The following ITGA6 variants were observed in gnomAD, a reference collection of about 807,000 sequenced individuals.
The protein encoded by ITGA6 is integrin subunit alpha 6.
In ITGA6, 63 loss-of-function variants were observed where a neutral mutation model predicts 133.6. The ratio of observed to expected loss-of-function variants is 0.47; its 90% confidence interval spans 0.38 to 0.58. The LOEUF is 0.58. Ranked by LOEUF, ITGA6 falls within the 20% of genes least tolerant of loss-of-function variation. The pLI, the probability that ITGA6 is intolerant of heterozygous loss-of-function variation, is 0.00. For missense variants in ITGA6, 1,068 were observed against 1,309.4 expected (o/e 0.82, Z 2.85); for synonymous variants, 434 against 482.0 (o/e 0.90, Z 1.30).
At chr2:172,444,067 C>CCATGT (rs1416513034) in intron 1 of ITGA6, among the ~76,000 whole-genome samples, 1 of 152,210 alleles carries the variant, frequency 6.6e-6, no homozygotes. Flanking sequence ...AGCCACCATG[C>CCATGT]CTGGCCCATC....
chr2:172,487,695 G>A (rs1027114443), intron 16 of ITGA6, 33 bp from the exon 17 acceptor site: 2 of 1,591,848 alleles, frequency 1.3e-6, no homozygotes, highest in Non-Finnish European at 1.7e-6. Flanking sequence ...CTGTATGCAT[G>A]GCCTGTGTTA....
chr2:172,482,585 G>T (rs746942954), intron 11 of ITGA6, among the ~76,000 whole-genome samples: 1 of 151,992 alleles, frequency 6.6e-6, no homozygotes, highest in Admixed American at 6.6e-5. Context: ...GCAGATAAAC[G>T]GTTTTCCTGC....
At position 172,499,239 on chromosome 2, in the gene ITGA6, G is replaced by A. The variant is rs140904165; in HGVS notation, c.3114+1139G>A. The stretch of plus-strand genomic sequence containing the variant: ...TTCTAGACATGGGATTGAAGCTCAT[G>A]ACAAAACTCCTCCTGGTATGGAGTT... On this transcript the variant is annotated intron_variant, in intron 24 of 25. Coordinates refer to ENST00000684293, the MANE Select transcript of ITGA6 (RefSeq NM_000210.4). Among the ~76,000 whole-genome samples the A allele has an allele frequency of 9.9e-5, 15 of 152,228 alleles. No homozygotes were observed. The East Asian group carries it at 2.9e-3, about 29-fold the overall frequency.
intron 1 of ITGA6, 85 bp downstream of exon 1, chr2:172,428,055 C>G (rs916988544): frequency 7.0e-5 from 101 of 1,432,774 alleles, no homozygotes; most frequent in Admixed American, 9.3e-5. Context: ...TCCCGCCGGC[C>G]CCGGGGAGTA....
chr2:172,480,623 AC>A (rs1459874019), intron 11 of ITGA6, among the ~76,000 whole-genome samples: 1 of 152,026 alleles, frequency 6.6e-6, no homozygotes, highest in Non-Finnish European at 1.5e-5. Flanking sequence ...ATACTGACTG[AC>A]CCACAGGGCA....
intron 23 of ITGA6, among the ~76,000 whole-genome samples, chr2:172,496,870 C>T (rs967973469): frequency 6.6e-6 from 1 of 152,192 alleles, no homozygotes; most frequent in Non-Finnish European, 1.5e-5. Context: ...TCTGAGTAAA[C>T]ACCATTTCTA....
At chr2:172,439,894 A>G (rs893094665) in intron 1 of ITGA6, among the ~76,000 whole-genome samples, 1 of 152,212 alleles carries the variant, frequency 6.6e-6, no homozygotes, top group Non-Finnish European at 1.5e-5. Flanking sequence ...CTTGTGCCAC[A>G]TAAATCTTGC....
At chr2:172,430,901 A>T (rs565267593) in intron 1 of ITGA6, among the ~76,000 whole-genome samples, 2 of 152,212 alleles carry the variant, frequency 1.3e-5, no homozygotes, top group Non-Finnish European at 2.9e-5. Context: ...AAGGTATGTG[A>T]TGATGACTGT....
chr2:172,450,992 TACACACACAAAA>T (rs1684972357), intron 1 of ITGA6, among the ~76,000 whole-genome samples: 1 of 148,286 alleles, frequency 6.7e-6, no homozygotes, highest in South Asian at 2.1e-4. Flanking sequence ...TGTATATATA[TACACACACAAAA>T]ATTAGCTGGA....
At chr2:172,482,594 G>A (rs1167322272) in intron 11 of ITGA6, among the ~76,000 whole-genome samples, 5 of 152,028 alleles carry the variant, frequency 3.3e-5, no homozygotes, top group Non-Finnish European at 7.4e-5. Context: ...CGGTTTTCCT[G>A]CACCCACACC....
chr2:172,475,463 CA>C (rs1318098460), intron 7 of ITGA6, 133 bp from the exon 8 acceptor site: 17 of 697,408 alleles, frequency 2.4e-5, no homozygotes, highest in Non-Finnish European at 3.6e-5. Flanking sequence ...AACTCCATCT[CA>C]AAAAAAACAA....
At position 172,427,838 on chromosome 2, in the gene ITGA6, T is replaced by C; in HGVS notation, c.50T>C (p.Leu17Pro). 1 of 1,605,194 alleles carries C rather than the reference T, an allele frequency of 6.2e-7. No homozygotes were observed. The highest frequency in any genetic ancestry group is 2.3e-5 in the East Asian group (1 of 44,128). ...LCLLYLSAGL[L>P]SRLGAAFNLD... ...TTGCTCTACCTGTCGGCGGGGCTCC[T>C]GTCCCGGCTCGGCGCAGCCTTCAAC... The change falls in exon 1 of 26, where the codon CTG becomes CCG. Residue 17 changes from leucine (L) to proline (P), a missense_variant. Coordinates refer to ENST00000684293, the MANE Select transcript of ITGA6 (RefSeq NM_000210.4).
chr2:172,499,956 GA>G (rs1430712435), intron 24 of ITGA6, among the ~76,000 whole-genome samples: 2 of 151,958 alleles, frequency 1.3e-5, no homozygotes, highest in Non-Finnish European at 2.9e-5. Context: ...TTGAAGCTCT[GA>G]AGTGTCCAGG....
chr2:172,444,724 T>C (rs572537494), intron 1 of ITGA6, among the ~76,000 whole-genome samples: 1 of 132,992 alleles, frequency 7.5e-6, no homozygotes, highest in South Asian at 2.8e-4. Flanking sequence ...CCCTGGCCAG[T>C]TTTCACATAG....
At chr2:172,431,566 C>T (rs544726654) in intron 1 of ITGA6, among the ~76,000 whole-genome samples, 1 of 152,278 alleles carries the variant, frequency 6.6e-6, no homozygotes, top group East Asian at 1.9e-4. Flanking sequence ...TCTGAAAAAG[C>T]CCAGTGAAGT....
intron 5 of ITGA6, among the ~76,000 whole-genome samples, chr2:172,473,679 T>A (rs1478212890): frequency 6.6e-6 from 1 of 152,256 alleles, no homozygotes. Flanking sequence ...TCTGTGTATA[T>A]GATGTAACAT....
At chr2:172,476,281 A>T in intron 8 of ITGA6, 114 bp from the exon 9 acceptor site, 1 of 764,402 alleles carries the variant, frequency 1.3e-6, no homozygotes, top group Middle Eastern at 2.4e-4. Flanking sequence ...TAATTTACTT[A>T]TAAGTGAACT....
chr2:172,470,912 C>A (rs1685903326), intron 4 of ITGA6, 62 bp from the exon 5 acceptor site: 8 of 1,558,212 alleles, frequency 5.1e-6, no homozygotes, highest in Admixed American at 1.7e-5. Context: ...TTATTAGGAA[C>A]CATTTATTTT....
At chr2:172,499,620 C>T (rs1687269726) in intron 24 of ITGA6, among the ~76,000 whole-genome samples, 2 of 152,164 alleles carry the variant, frequency 1.3e-5, no homozygotes, top group African/African-American at 4.8e-5. Flanking sequence ...CCTTGGCCTT[C>T]CAAATTGTTG....
Sources: gnomAD v4.1 joint callset for allele counts (sites outside exome capture counted in the v4.1 genomes callset) on GRCh38, gnomAD v4.1.1 for gene constraint, MANE v1.5 for transcripts, NCBI Gene and HGNC (gene_info 2026-07-23, HGNC 2026-07-21) for gene names.